The following GALNT13 variants were observed in gnomAD, a reference collection of about 807,000 sequenced individuals.
The protein encoded by GALNT13 is UDP-GalNAc:polypeptide N-acetylgalactosaminyltransferase 13.
Under a neutral mutation model 64.2 loss-of-function variants are expected in GALNT13, and 28 were observed. The observed-to-expected ratio is 0.44, with a 90% confidence interval of 0.32 to 0.60. GALNT13 has a LOEUF of 0.60. Among genes scored for constraint, GALNT13 ranks in the 20% least tolerant of loss-of-function variants. The pLI is 0.05. For missense variants in GALNT13, 577 were observed against 669.8 expected (o/e 0.86, Z 1.53); for synonymous variants, 214 against 224.6 (o/e 0.95, Z 0.42).
At chr2:153,785,425 C>T in the GALNT13 span, among the ~76,000 whole-genome samples, 1 of 152,132 alleles carries the variant, frequency 6.6e-6, no homozygotes, top group East Asian at 1.9e-4. Context: ...TTGATATAGC[C>T]TTTAGGTACT....
the GALNT13 span, among the ~76,000 whole-genome samples, chr2:153,344,269 G>A: frequency 2.6e-5 from 4 of 152,166 alleles, no homozygotes; most frequent in African/African-American, 7.2e-5. Flanking sequence ...TTGTAAAAGC[G>A]AAAGGATGTC....
chr2:153,967,249 T>C (rs1463664397), intron 3 of GALNT13, among the ~76,000 whole-genome samples: 2 of 152,184 alleles, frequency 1.3e-5, no homozygotes, highest in Non-Finnish European at 2.9e-5. Context: ...TTAGTTAATG[T>C]GGTGAGGCTA....
At chr2:153,211,558 C>T in the GALNT13 span, among the ~76,000 whole-genome samples, 92 of 152,206 alleles carry the variant, frequency 6.0e-4, no homozygotes, top group Non-Finnish European at 1.0e-3. Flanking sequence ...TTTCATGAGA[C>T]GGGAACAGTA....
At chr2:153,522,360 G>C in the GALNT13 span, among the ~76,000 whole-genome samples, 2 of 151,738 alleles carry the variant, frequency 1.3e-5, no homozygotes, top group Non-Finnish European at 2.9e-5. Context: ...GAGAGAGAGA[G>C]AGTGGCACAA....
intron 2 of GALNT13, among the ~76,000 whole-genome samples, chr2:153,914,491 A>G (rs183655913): frequency 2.3e-4 from 24 of 103,382 alleles, no homozygotes; most frequent in Non-Finnish European, 4.8e-4. Flanking sequence ...CTCAAAAAAA[A>G]AAAAAAAAAA....
chr2:153,687,404 TTC>T, the GALNT13 span, among the ~76,000 whole-genome samples: 2 of 152,000 alleles, frequency 1.3e-5, no homozygotes, highest in Non-Finnish European at 2.9e-5. Flanking sequence ...AAGCCATTTC[TTC>T]TAGATTTTCT....
chr2:153,387,426 G>A, the GALNT13 span, among the ~76,000 whole-genome samples: 1 of 152,054 alleles, frequency 6.6e-6, no homozygotes, highest in African/African-American at 2.4e-5. Context: ...CCCACTCAGG[G>A]TCCTGGCAGC....
At chr2:154,159,751 G>A (rs941176528) in intron 4 of GALNT13, among the ~76,000 whole-genome samples, 7 of 152,136 alleles carry the variant, frequency 4.6e-5, no homozygotes, top group East Asian at 1.9e-4. Context: ...ATAGTCTAAT[G>A]TTGGGGATTA....
chr2:153,422,529 A>G, the GALNT13 span, among the ~76,000 whole-genome samples: 1 of 152,232 alleles, frequency 6.6e-6, no homozygotes, highest in South Asian at 2.1e-4. Flanking sequence ...ATGAGAGTAA[A>G]TCTTAGGCTA....
At chr2:153,361,126 C>A in the GALNT13 span, among the ~76,000 whole-genome samples, 4 of 151,994 alleles carry the variant, frequency 2.6e-5, no homozygotes, top group Non-Finnish European at 5.9e-5. Context: ...ACCACAGCAG[C>A]CCTGCAAAAG....
intron 11 of GALNT13, among the ~76,000 whole-genome samples, chr2:154,438,295 A>T (rs707066): frequency 0.99 from 151,347 of 152,314 alleles, 75,197 homozygotes; most frequent in Middle Eastern, 1. Flanking sequence ...TAACCTATTG[A>T]GAGCTTTATA....
At chr2:153,478,399 A>C in the GALNT13 span, 4 of 1,614,162 alleles carry the variant, frequency 2.5e-6, no homozygotes, top group Non-Finnish European at 3.4e-6. Context: ...GATCTGCACC[A>C]CGCGCATTAT....
At chr2:154,372,680 C>T (rs918614146) in intron 9 of GALNT13, among the ~76,000 whole-genome samples, 4 of 151,656 alleles carry the variant, frequency 2.6e-5, no homozygotes, top group Admixed American at 6.6e-5. Flanking sequence ...TTTAGCTAGC[C>T]GAAAAAGACA....
chr2:153,566,360 T>TTTTTTG, the GALNT13 span, among the ~76,000 whole-genome samples: 2 of 140,478 alleles, frequency 1.4e-5, no homozygotes, highest in Admixed American at 7.0e-5. Flanking sequence ...TTTTTTTTTT[T>TTTTTTG]TTTTTTTTTT....
At chr2:153,338,842 CT>C in the GALNT13 span, among the ~76,000 whole-genome samples, 311 of 152,308 alleles carry the variant, frequency 2.0e-3, 2 homozygotes, top group African/African-American at 7.2e-3. Context: ...TATAAGTTGA[CT>C]TTCCTAGATT....
the GALNT13 span, among the ~76,000 whole-genome samples, chr2:153,132,809 TC>T: frequency 2.0e-5 from 3 of 152,054 alleles, no homozygotes; most frequent in African/African-American, 7.2e-5. Flanking sequence ...AGCTTCAACC[TC>T]CCCAGGCTCA....
chr2:154,263,741 C>T (rs547095719), intron 8 of GALNT13, among the ~76,000 whole-genome samples: 3 of 152,038 alleles, frequency 2.0e-5, no homozygotes, highest in Non-Finnish European at 2.9e-5. Context: ...TTTCTACACT[C>T]ATAAATCAGT....
chr2:153,130,674 A>G, the GALNT13 span, among the ~76,000 whole-genome samples: 1 of 152,144 alleles, frequency 6.6e-6, no homozygotes, highest in African/African-American at 2.4e-5. Context: ...CACATGGAGC[A>G]TGGTGAGCCT....
At chr2:153,347,003 C>A in the GALNT13 span, among the ~76,000 whole-genome samples, 1 of 152,202 alleles carries the variant, frequency 6.6e-6, no homozygotes, top group Non-Finnish European at 1.5e-5. Flanking sequence ...AAAATCAGAA[C>A]AAAAGCTTTT....
Sources: gnomAD v4.1 joint callset for allele counts (sites outside exome capture counted in the v4.1 genomes callset) on GRCh38, gnomAD v4.1.1 for gene constraint, MANE v1.5 for transcripts, NCBI Gene and HGNC (gene_info 2026-07-23, HGNC 2026-07-21) for gene names.